PDZRN4: variants seen among roughly 807,000 people sequenced by gnomAD.
PDZRN4 encodes the protein PDZ domain-containing RING finger protein 4.
A neutral mutation model predicts 99.0 loss-of-function variants in PDZRN4; 70 were observed. That is an observed-to-expected ratio of 0.71 (90% CI 0.58 to 0.86). The LOEUF (loss-of-function observed/expected upper bound fraction) is 0.86, where lower values mean the gene tolerates loss of function less well. Among genes scored for constraint, PDZRN4 ranks in the 40% least tolerant of loss-of-function variants. The pLI is 0.00. For missense variants in PDZRN4, 1,474 were observed against 1,331.2 expected, an observed-to-expected ratio of 1.11 and a Z score of -1.67; for synonymous variants, 551 against 501.6, an observed-to-expected ratio of 1.10 and a Z score of -1.32.
Position 41,207,890 on chromosome 12 carries a change from A to G in PDZRN4, c.843+13702A>G, listed in dbSNP as rs553592348. On this transcript the variant is annotated intron_variant, in intron 3 of 9. Transcript: ENST00000402685. ...GAGACCTATGGAGTTGATGGCTCCA[A>G]CTCTTCTTTAAGCCAGGCAGTGAAT... is the stretch of plus-strand genomic sequence containing the variant. Among the ~76,000 whole-genome samples, 8 of 151,628 alleles carry G rather than the reference A, an allele frequency of 5.3e-5. No individual in the cohort carries two copies. In the East Asian group the frequency reaches 1.6e-3, roughly 30 times the overall value.
intron 5 of PDZRN4, among the ~76,000 whole-genome samples, chr12:41,511,764 G>T (rs1040776888): frequency 1.3e-5 from 2 of 152,158 alleles, no homozygotes; most frequent in Non-Finnish European, 2.9e-5. Context: ...CATCCCTTGT[G>T]GCTGCATCAA....
intron 3 of PDZRN4, among the ~76,000 whole-genome samples, chr12:41,207,881 A>C (rs1045761326): frequency 6.6e-6 from 1 of 151,820 alleles, no homozygotes; most frequent in Non-Finnish European, 1.5e-5. Context: ...TATGGAGTTG[A>C]TGGCTCCAAC....
At chr12:41,475,450 A>G (rs1312103878) in intron 3 of PDZRN4, among the ~76,000 whole-genome samples, 1 of 152,186 alleles carries the variant, frequency 6.6e-6, no homozygotes. Flanking sequence ...ATATATGACT[A>G]TTGCTTTCAT....
chr12:41,432,339 C>A (rs1952592548), intron 3 of PDZRN4, among the ~76,000 whole-genome samples: 1 of 152,148 alleles, frequency 6.6e-6, no homozygotes, highest in Non-Finnish European at 1.5e-5. Context: ...GGCCTTTCAG[C>A]CTTTTAACTT....
Position 41,506,850 on chromosome 12 carries a change from C to T in PDZRN4, c.1100+138C>T, listed in dbSNP as rs971874659. On this transcript the variant is annotated intron_variant, in intron 4 of 9. Transcript: ENST00000402685. Reference sequence around the variant, plus strand: ...CCAGCTCCGTTTGGAAAATGTCTCCCCTGTTTTGATATGTGCAATTAGTTC... The same window carrying T: ...CCAGCTCCGTTTGGAAAATGTCTCCTCTGTTTTGATATGTGCAATTAGTTC... 4 of 930,794 alleles carry T rather than the reference C, an allele frequency of 4.3e-6. No homozygotes were observed. In the African/African-American group the frequency reaches 6.6e-5, roughly 15 times the overall value. 57.7% of individuals were successfully genotyped at this position (930,794 alleles called of 1,614,324 possible).
intron 3 of PDZRN4, among the ~76,000 whole-genome samples, chr12:41,376,924 T>G (rs1292948602): frequency 2.0e-5 from 3 of 152,194 alleles, no homozygotes; most frequent in Non-Finnish European, 2.9e-5. Flanking sequence ...AGATAGAGGT[T>G]CAATTTCATT....
intron 3 of PDZRN4, among the ~76,000 whole-genome samples, chr12:41,417,610 A>G (rs1350787809): frequency 2.0e-5 from 3 of 152,188 alleles, no homozygotes; most frequent in African/African-American, 7.2e-5. Flanking sequence ...CAATGTCAGA[A>G]CTCCTATTAT....
intron 3 of PDZRN4, among the ~76,000 whole-genome samples, chr12:41,371,955 T>C (rs1390712527): frequency 6.6e-6 from 1 of 152,142 alleles, no homozygotes; most frequent in East Asian, 1.9e-4. Context: ...TTATTCCCTT[T>C]ATTCCCTGCA....
At chr12:41,292,168 A>T (rs79333324) in intron 3 of PDZRN4, among the ~76,000 whole-genome samples, 1,731 of 152,322 alleles carry the variant, frequency 0.011, 53 homozygotes, top group East Asian at 0.097. Flanking sequence ...TACAACTATG[A>T]AGTTATAAAT....
chr12:41,487,740 A>G (rs746443861), intron 3 of PDZRN4, among the ~76,000 whole-genome samples: 3 of 152,202 alleles, frequency 2.0e-5, no homozygotes, highest in African/African-American at 7.2e-5. Flanking sequence ...ACTGGTATAG[A>G]CAAAGCACAG....
At chr12:41,300,084 A>T (rs148119693) in intron 3 of PDZRN4, among the ~76,000 whole-genome samples, 1 of 152,032 alleles carries the variant, frequency 6.6e-6, no homozygotes, top group East Asian at 1.9e-4. Context: ...TATTTTATAT[A>T]ATGTATATTG....
At chr12:41,334,390 A>C (rs200335795) in intron 3 of PDZRN4, among the ~76,000 whole-genome samples, 1 of 624 alleles carries the variant, frequency 1.6e-3, no homozygotes. Context: ...ATGAAAAGTT[A>C]AAAAAAAAAA....
intron 3 of PDZRN4, among the ~76,000 whole-genome samples, chr12:41,483,184 A>T (rs1250265482): frequency 2.0e-5 from 3 of 152,096 alleles, no homozygotes; most frequent in Non-Finnish European, 2.9e-5. Flanking sequence ...AATAGATAGT[A>T]GGTGACCTCC....
chr12:41,510,008 G>A, intron 5 of PDZRN4, 95 bp downstream of exon 5: 1 of 626,430 alleles, frequency 1.6e-6, no homozygotes, highest in Non-Finnish European at 2.8e-6. Context: ...AGTGAGAAAT[G>A]TCTTGTCTAT....
chr12:41,295,864 G>T (rs1342094032), intron 3 of PDZRN4, among the ~76,000 whole-genome samples: 1 of 151,968 alleles, frequency 6.6e-6, no homozygotes, highest in Non-Finnish European at 1.5e-5. Context: ...AAGTTTATGG[G>T]GACAATGCCC....
At chr12:41,208,795 G>C (rs1226645575) in intron 3 of PDZRN4, among the ~76,000 whole-genome samples, 1 of 151,832 alleles carries the variant, frequency 6.6e-6, no homozygotes, top group African/African-American at 2.4e-5. Context: ...ACAAAGTGAA[G>C]ATTGTTAATT....
intron 3 of PDZRN4, among the ~76,000 whole-genome samples, chr12:41,356,850 T>C (rs1417445078): frequency 6.6e-6 from 1 of 151,902 alleles, no homozygotes; most frequent in Admixed American, 6.6e-5. Context: ...TTCAGAAAAA[T>C]GTTCCAAATT....
At chr12:41,462,969 C>T (rs1039284121) in intron 3 of PDZRN4, among the ~76,000 whole-genome samples, 15 of 152,196 alleles carry the variant, frequency 9.9e-5, no homozygotes, top group African/African-American at 3.4e-4. Context: ...GATGGAATAT[C>T]TGACCCCTGA....
chr12:41,513,278 A>G (rs973967217), intron 5 of PDZRN4, among the ~76,000 whole-genome samples: 5 of 152,080 alleles, frequency 3.3e-5, no homozygotes, highest in Admixed American at 2.0e-4. Flanking sequence ...TGTTATGGTG[A>G]CTCTGGTGTG....
Sources: gnomAD v4.1 joint callset for allele counts (sites outside exome capture counted in the v4.1 genomes callset) on GRCh38, gnomAD v4.1.1 for gene constraint, MANE v1.5 for transcripts, NCBI Gene and HGNC (gene_info 2026-07-23, HGNC 2026-07-21) for gene names.